The following SLC25A21 variants were observed in gnomAD, a reference collection of about 807,000 sequenced individuals.
The protein encoded by SLC25A21 is mitochondrial 2-oxodicarboxylate carrier.
A neutral mutation model predicts 43.8 loss-of-function variants in SLC25A21; 47 were observed. That is an observed-to-expected ratio of 1.07 (90% CI 0.85 to 1.37). The LOEUF is 1.37. SLC25A21 is among the 40% of genes most tolerant of loss of function. The pLI is 0.00. For synonymous variants in SLC25A21, 131 were observed against 121.3 expected (o/e 1.08, Z -0.52); for missense variants, 352 against 350.2 (o/e 1.00, Z -0.04).
intron 6 of SLC25A21, among the ~76,000 whole-genome samples, chr14:36,719,044 C>A (rs1022081485): frequency 5.3e-5 from 8 of 152,060 alleles, no homozygotes; most frequent in Non-Finnish European, 4.4e-5. Flanking sequence ...ATCCTATAGA[C>A]CTCAAGGGAA....
chr14:37,058,634 T>C (rs1214632664), intron 1 of SLC25A21, among the ~76,000 whole-genome samples: 1 of 152,230 alleles, frequency 6.6e-6, no homozygotes, highest in Non-Finnish European at 1.5e-5. Context: ...GAGCATTATT[T>C]AGTCTAAACA....
At chr14:36,809,471 T>C (rs1235374997) in intron 3 of SLC25A21, among the ~76,000 whole-genome samples, 1 of 152,154 alleles carries the variant, frequency 6.6e-6, no homozygotes, top group Admixed American at 6.5e-5. Context: ...ATGTCTTTCA[T>C]AAGACATGGT....
At chr14:36,991,187 C>T (rs765818249) in intron 1 of SLC25A21, among the ~76,000 whole-genome samples, 4 of 152,134 alleles carry the variant, frequency 2.6e-5, no homozygotes, top group South Asian at 2.1e-4. Flanking sequence ...GCAAAGAGTG[C>T]TGGTTTCTGT....
intron 1 of SLC25A21, among the ~76,000 whole-genome samples, chr14:37,052,037 T>C (rs930944174): frequency 2.0e-5 from 3 of 152,184 alleles, no homozygotes; most frequent in African/African-American, 4.8e-5. Flanking sequence ...TGCTTTACAC[T>C]GTGGCTTTAT....
At chr14:36,979,747 C>T (rs1223984940) in intron 1 of SLC25A21, among the ~76,000 whole-genome samples, 12 of 152,040 alleles carry the variant, frequency 7.9e-5, no homozygotes, top group African/African-American at 2.7e-4. Flanking sequence ...AAGAAAAACC[C>T]GGACCCTGAA....
At chr14:36,948,235 G>A (rs1429842) in intron 1 of SLC25A21, among the ~76,000 whole-genome samples, 6,608 of 152,174 alleles carry the variant, frequency 0.043, 287 homozygotes, top group Middle Eastern at 0.14. Context: ...CAGTGGCTTC[G>A]ATTTTTTTAT....
chr14:36,839,500 A>T (rs1049071795), intron 2 of SLC25A21, among the ~76,000 whole-genome samples: 1 of 152,260 alleles, frequency 6.6e-6, no homozygotes, highest in Non-Finnish European at 1.5e-5. Context: ...ACACTATAGC[A>T]TTAAGTGACA....
intron 2 of SLC25A21, among the ~76,000 whole-genome samples, chr14:36,819,217 G>A (rs912017304): frequency 6.6e-6 from 1 of 152,106 alleles, no homozygotes; most frequent in African/African-American, 2.4e-5. Flanking sequence ...ATAGCCAAAG[G>A]ACTGCACACA....
chr14:37,012,369 G>A (rs1435204095), intron 1 of SLC25A21, among the ~76,000 whole-genome samples: 2 of 152,020 alleles, frequency 1.3e-5, no homozygotes, highest in African/African-American at 4.8e-5. Flanking sequence ...CATCAAACTT[G>A]AAATTAACCC....
rs543540562 is a variant in SLC25A21 at position 36,738,738 on chromosome 14, T to C, written c.204-4165A>G. Among the ~76,000 whole-genome samples the C allele has an allele frequency of 8.5e-5, 13 of 152,364 alleles. No individual in the cohort carries two copies. In the South Asian group the frequency reaches 2.7e-3, roughly 32 times the overall value. On this transcript the variant is annotated intron_variant, in intron 3 of 9. Transcript: ENST00000331299. ...CTTTATATTTTGTTCTCTAAGTTGTTACTTCTAAAAGGTGTGAGTTTGATT... is the reference window on the plus strand; with the variant it reads ...CTTTATATTTTGTTCTCTAAGTTGTCACTTCTAAAAGGTGTGAGTTTGATT...
intron 1 of SLC25A21, among the ~76,000 whole-genome samples, chr14:37,154,011 A>AG (rs2138938403): frequency 6.6e-6 from 1 of 152,246 alleles, no homozygotes; most frequent in South Asian, 2.1e-4. Flanking sequence ...AACACACTCT[A>AG]TGACCCAGTT....
At chr14:37,171,311 A>C (rs1964124967) in intron 1 of SLC25A21, among the ~76,000 whole-genome samples, 1 of 152,196 alleles carries the variant, frequency 6.6e-6, no homozygotes, top group Non-Finnish European at 1.5e-5. Flanking sequence ...AACCAGTCAT[A>C]ATTTGCAGTA....
At chr14:36,715,895 C>A (rs978867241) in intron 6 of SLC25A21, among the ~76,000 whole-genome samples, 7 of 151,792 alleles carry the variant, frequency 4.6e-5, no homozygotes, top group Admixed American at 1.3e-4. Flanking sequence ...AGTGCGAGAC[C>A]AGCTGGCCAA....
chr14:36,853,298 GT>G, intron 2 of SLC25A21, among the ~76,000 whole-genome samples: 1 of 131,076 alleles, frequency 7.6e-6, no homozygotes, highest in East Asian at 3.1e-4. Context: ...CTGTACTTAA[GT>G]AAAGCATTTT....
chr14:36,800,513 C>T (rs1214851902), intron 3 of SLC25A21, among the ~76,000 whole-genome samples: 2 of 152,114 alleles, frequency 1.3e-5, no homozygotes, highest in Non-Finnish European at 1.5e-5. Flanking sequence ...ATTCCACTTA[C>T]ATGAGATACC....
intron 4 of SLC25A21, among the ~76,000 whole-genome samples, chr14:36,732,918 A>T (rs1023236364): frequency 6.6e-6 from 1 of 152,222 alleles, no homozygotes; most frequent in Non-Finnish European, 1.5e-5. Flanking sequence ...TACTTGAAAC[A>T]AGATGTCTGG....
chr14:37,028,852 A>G (rs573317591), intron 1 of SLC25A21, among the ~76,000 whole-genome samples: 3 of 152,280 alleles, frequency 2.0e-5, no homozygotes, highest in Admixed American at 6.5e-5. Flanking sequence ...AAGCCCAGGG[A>G]AAAGTCTCAG....
In SLC25A21 at chr14:36,920,615, T is replaced by C. The variant is rs145876068; in HGVS notation, c.71-45611A>G. On this transcript the variant is annotated intron_variant, in intron 1 of 9. Coordinates refer to ENST00000331299, the MANE Select transcript of SLC25A21 (RefSeq NM_030631.4). ...AGAGAGGCAAGACAAAAGTATTTTGTATAGTGATGCTACTCTGAATGAACA... is the reference window on the plus strand; with the variant it reads ...AGAGAGGCAAGACAAAAGTATTTTGCATAGTGATGCTACTCTGAATGAACA... Among the ~76,000 whole-genome samples the C allele has an allele frequency of 1.2e-3, 179 of 152,210 alleles. 2 individuals carry two copies. The East Asian group carries it at 0.034, about 29-fold the overall frequency.
At chr14:36,898,135 G>A (rs1891296303) in intron 1 of SLC25A21, among the ~76,000 whole-genome samples, 1 of 152,048 alleles carries the variant, frequency 6.6e-6, no homozygotes, top group South Asian at 2.1e-4. Flanking sequence ...CCTAGAGGTG[G>A]AGTCTACAGA....
Sources: allele counts gnomAD v4.1 joint callset (sites outside exome capture counted in the v4.1 genomes callset), GRCh38; gene constraint gnomAD v4.1.1; transcripts MANE v1.5; gene names NCBI Gene and HGNC (gene_info 2026-07-23, HGNC 2026-07-21).